FGF12: variants seen among roughly 807,000 people sequenced by gnomAD.
FGF12 encodes the protein fibroblast growth factor 12.
FGF12 carries 14 observed loss-of-function variants against 23.6 expected under a neutral mutation model. The observed-to-expected ratio is 0.59, with a 90% CI of 0.39 to 0.93. The LOEUF (loss-of-function observed/expected upper bound fraction) is 0.93, where lower values mean the gene tolerates loss of function less well. FGF12 is among the 40% of genes least tolerant of loss of function. The probability of loss-of-function intolerance (pLI) is 0.00; values close to 1 mark genes in which losing one functional copy is unlikely to be tolerated. For synonymous variants in FGF12, 62 were observed against 77.3 expected, an observed-to-expected ratio of 0.80 and a Z score of 1.04; for missense variants, 175 against 217.8, an observed-to-expected ratio of 0.80 and a Z score of 1.24.
intron 2 of FGF12, among the ~76,000 whole-genome samples, chr3:192,605,294 T>C (rs1714291055): frequency 6.6e-6 from 1 of 150,804 alleles, no homozygotes; most frequent in African/African-American, 2.4e-5. Context: ...GGCAGGAGAA[T>C]CTCTTGAACC....
At chr3:192,637,584 G>C (rs1577091839) in intron 2 of FGF12, among the ~76,000 whole-genome samples, 1 of 152,184 alleles carries the variant, frequency 6.6e-6, no homozygotes, top group African/African-American at 2.4e-5. Flanking sequence ...GCTAAGAGCT[G>C]TATTTTTAGG....
At chr3:192,656,320 CAGAG>C (rs568490830) in intron 2 of FGF12, among the ~76,000 whole-genome samples, 7,433 of 52,624 alleles carry the variant, frequency 0.14, 242 homozygotes, top group South Asian at 0.19. Flanking sequence ...CACACACACA[CAGAG>C]AGAGAATTAT....
intron 2 of FGF12, among the ~76,000 whole-genome samples, chr3:192,643,801 G>A (rs980189836): frequency 6.6e-6 from 1 of 152,104 alleles, no homozygotes; most frequent in Admixed American, 6.6e-5. Context: ...AAACTTCTTG[G>A]CATCTGAATT....
chr3:192,411,767 G>A (rs919592252), intron 2 of FGF12, among the ~76,000 whole-genome samples: 1 of 152,212 alleles, frequency 6.6e-6, no homozygotes, highest in East Asian at 1.9e-4. Flanking sequence ...GTCAGCTAAG[G>A]GGAGTAGCCA....
At chr3:192,503,611 T>G (rs1279068014) in intron 2 of FGF12, among the ~76,000 whole-genome samples, 12 of 147,332 alleles carry the variant, frequency 8.1e-5, no homozygotes, top group Non-Finnish European at 1.6e-4. Flanking sequence ...GTGTTTTTTT[T>G]TTTTTTTTTT....
chr3:192,554,217 T>C (rs1464232688), intron 2 of FGF12, among the ~76,000 whole-genome samples: 1 of 152,156 alleles, frequency 6.6e-6, no homozygotes, highest in Non-Finnish European at 1.5e-5. Context: ...CATTTGGTGG[T>C]CTCTCCTTTG....
intron 5 of FGF12, among the ~76,000 whole-genome samples, chr3:192,166,779 G>A (rs373607184): frequency 1.5e-4 from 23 of 151,952 alleles, no homozygotes; most frequent in Non-Finnish European, 3.2e-4. Context: ...TAAGACAAAA[G>A]ATAAAGACAT....
At chr3:192,511,328 C>A (rs1724465606) in intron 2 of FGF12, among the ~76,000 whole-genome samples, 1 of 152,074 alleles carries the variant, frequency 6.6e-6, no homozygotes, top group South Asian at 2.1e-4. Context: ...GAGACTTAAC[C>A]CAGCTTTCTC....
At chr3:192,568,468 G>C (rs1426091463) in intron 2 of FGF12, among the ~76,000 whole-genome samples, 1 of 152,018 alleles carries the variant, frequency 6.6e-6, no homozygotes, top group Non-Finnish European at 1.5e-5. Flanking sequence ...CCTCTCCTTG[G>C]GTTGTCTCCT....
chr3:192,197,658 C>T (rs765934497), intron 4 of FGF12, among the ~76,000 whole-genome samples: 9 of 152,122 alleles, frequency 5.9e-5, no homozygotes, highest in Non-Finnish European at 1.3e-4. Context: ...CAAAGCCCTC[C>T]TGGGGGCCGG....
intron 2 of FGF12, among the ~76,000 whole-genome samples, chr3:192,719,476 TGTTAA>T (rs1009415229): frequency 9.2e-5 from 14 of 152,188 alleles, no homozygotes; most frequent in African/African-American, 1.9e-4. Context: ...TTTCATCTCA[TGTTAA>T]GTTATTTGTA....
intron 4 of FGF12, among the ~76,000 whole-genome samples, chr3:192,217,739 C>T (rs1314390117): frequency 2.6e-5 from 4 of 152,074 alleles, no homozygotes; most frequent in Admixed American, 6.6e-5. Flanking sequence ...CTTTTAAAAT[C>T]CTAATTTAAA....
At chr3:192,497,748 T>C (rs901681291) in intron 2 of FGF12, among the ~76,000 whole-genome samples, 2 of 152,174 alleles carry the variant, frequency 1.3e-5, no homozygotes, top group East Asian at 3.8e-4. Context: ...AGCAATTCCC[T>C]AGGAGAAAAC....
At chr3:192,675,587 A>G (rs776651388) in intron 2 of FGF12, among the ~76,000 whole-genome samples, 4 of 152,120 alleles carry the variant, frequency 2.6e-5, no homozygotes, top group Non-Finnish European at 5.9e-5. Context: ...GTAGCCTAAG[A>G]AGGGAGCAGA....
At chr3:192,178,221 C>CA (rs1715965874) in intron 4 of FGF12, among the ~76,000 whole-genome samples, 1 of 151,942 alleles carries the variant, frequency 6.6e-6, no homozygotes, top group Admixed American at 6.6e-5. Flanking sequence ...CTATATTATT[C>CA]ATATTAAATA....
intron 4 of FGF12, chr3:192,244,945 A>G (rs937555143): frequency 6.6e-6 from 1 of 152,186 alleles, no homozygotes; most frequent in African/African-American, 2.4e-5. Context: ...CCAAGCATGC[A>G]ATTAACTGCC....
At chr3:192,463,221 C>T (rs1369786582) in intron 2 of FGF12, among the ~76,000 whole-genome samples, 4 of 152,032 alleles carry the variant, frequency 2.6e-5, no homozygotes. Context: ...AAGTTCGAGA[C>T]CAGCCTGGAC....
chr3:192,170,227 C>T (rs1416749216), intron 5 of FGF12, among the ~76,000 whole-genome samples: 1 of 145,122 alleles, frequency 6.9e-6, no homozygotes. Context: ...TTGCAGTGAG[C>T]CGAGACTGAG....
At chr3:192,222,687 T>C (rs948318297) in intron 4 of FGF12, among the ~76,000 whole-genome samples, 7 of 152,010 alleles carry the variant, frequency 4.6e-5, no homozygotes, top group African/African-American at 1.4e-4. Flanking sequence ...AGGGAAAAAT[T>C]CCAAATTAAT....
Sources: allele counts gnomAD v4.1 joint callset (sites outside exome capture counted in the v4.1 genomes callset), GRCh38; gene constraint gnomAD v4.1.1; transcripts MANE v1.5; gene names NCBI Gene and HGNC (gene_info 2026-07-23, HGNC 2026-07-21).